Variants in C8orf82 observed in about 807,000 individuals in gnomAD.
C8orf82 encodes the protein UPF0598 protein C8orf82.
C8orf82 carries 24 observed loss-of-function variants against 15.0 expected under a neutral mutation model. The ratio of observed to expected loss-of-function variants is 1.60; its 90% CI spans 1.16 to 2.24. The LOEUF is 2.24. Ranked by LOEUF, C8orf82 falls within the 30% of genes most tolerant of loss-of-function variation. C8orf82 has a pLI of 0.00. For synonymous variants in C8orf82, 205 were observed against 152.2 expected, an observed-to-expected ratio of 1.35 and a Z score of -2.55; for missense variants, 388 against 317.4, an observed-to-expected ratio of 1.22 and a Z score of -1.69.
intron 1 of C8orf82, chr8:144,528,461 G>T: frequency 2.7e-6 from 4 of 1,473,820 alleles, no homozygotes; most frequent in Non-Finnish European, 2.7e-6. Context: ...AGTCAGCGCC[G>T]GGGCTGGGGA....
chr8:144,527,897 C>T (rs768456748), intron 2 of C8orf82, 110 bp from the exon 3 acceptor site: 2 of 1,507,476 alleles, frequency 1.3e-6, no homozygotes, highest in Non-Finnish European at 1.8e-6. Flanking sequence ...TGGCCTCACT[C>T]AGCGGGGCTC....
rs781159964 is a variant in C8orf82, at chr8:144,528,937, G to T, written c.-21C>A. 2 of 1,497,792 alleles carry T rather than the reference G, an allele frequency of 1.3e-6. No individual in the cohort carries two copies. Among genetic ancestry groups the T allele is most frequent in the South Asian group, 1.3e-5 (1 of 79,000 alleles). 92.8% of individuals were successfully genotyped at this position (1,497,792 alleles called of 1,614,324 possible). On this transcript the variant is annotated 5_prime_UTR_variant, in exon 1 of 3. Transcript: ENST00000524821. Reference sequence around the variant, plus strand: ...CACATTCTCCTCCCGCGCCGGAAGCGACCAGCAGGTCACGCCGGGGGCGGT... The same window carrying T: ...CACATTCTCCTCCCGCGCCGGAAGCTACCAGCAGGTCACGCCGGGGGCGGT...
At chr8:144,528,361 G>A in intron 1 of C8orf82, 1 of 1,503,932 alleles carries the variant, frequency 6.6e-7, no homozygotes, top group Non-Finnish European at 8.9e-7. Context: ...AGACTACCTG[G>A]CCTGCTGCCT....
At position 144,529,047 on chromosome 8, in the gene C8orf82, T is replaced by G; in HGVS notation, c.-131A>C. The G allele has an allele frequency of 2.1e-6, 2 of 949,270 alleles. No individual in the cohort carries two copies. The highest frequency in any genetic ancestry group is 2.8e-6 in the Non-Finnish European group (2 of 702,294). The allele number at this position is 949,270 out of a possible 1,614,324, so 58.8% of individuals were successfully genotyped here. A position where few individuals can be genotyped will look rare whatever the true frequency, so the allele number is the denominator to read the frequency against. On this transcript the variant is annotated 5_prime_UTR_variant, in exon 1 of 3. Coordinates refer to ENST00000524821, the MANE Select transcript of C8orf82 (RefSeq NM_001001795.2). ...CCTCCGCGACCCGGGCCCGGCGCTC[T>G]TCCCTCTCCCTCGGGCCTCGGGGGC...
At position 144,526,304 on chromosome 8, in the gene C8orf82, A is replaced by C. The variant is rs1816357174; in HGVS notation, c.*1038T>G. ...TGTCTCAGGACGCGTGTGAACCCCAAGAAGTTGGGGGCGTTATCTGGGCCC... is the reference window on the plus strand; with the variant it reads ...TGTCTCAGGACGCGTGTGAACCCCACGAAGTTGGGGGCGTTATCTGGGCCC... On this transcript the variant is annotated 3_prime_UTR_variant, in exon 3 of 3. Transcript: ENST00000524821. 2 of 152,230 alleles carry C rather than the reference A, an allele frequency of 1.3e-5. No homozygotes were observed. Among genetic ancestry groups the C allele is most frequent in the South Asian group, 4.1e-4 (2 of 4,830 alleles). The allele number at this position is 152,230 out of a possible 1,614,324, so 9.4% of individuals were successfully genotyped here.
chr8:144,527,242 G>T lies in C8orf82; in HGVS notation c.*100C>A. 1.2e-6 allele frequency: 1 copy of T among 842,558 alleles called. No individual in the cohort carries two copies. The highest frequency in any genetic ancestry group is 1.5e-6 in the Non-Finnish European group (1 of 661,800). 52.2% of individuals were successfully genotyped at this position (842,558 alleles called of 1,614,324 possible). On this transcript the variant is annotated 3_prime_UTR_variant, in exon 3 of 3. Coordinates refer to ENST00000524821, the MANE Select transcript of C8orf82 (RefSeq NM_001001795.2). ...GGGGCCGAGCGCGCAGGCGCACTAG[G>T]CTGCCGCGAGCGCGGGTGGCGCGGG...
Position 144,525,913 on chromosome 8 carries a change from G to C in C8orf82, c.*1429C>G, listed in dbSNP as rs1816343281. On this transcript the variant is annotated 3_prime_UTR_variant, in exon 3 of 3. Coordinates refer to ENST00000524821, the MANE Select transcript of C8orf82 (RefSeq NM_001001795.2). ...CAGCAAGGAGCAGGGAGTTTGCTGG[G>C]GGACCATATACATGTACTTGTCGTA... is the stretch of plus-strand genomic sequence containing the variant. 6.6e-6 allele frequency: 1 copy of C among 152,162 alleles called. No individual in the cohort carries two copies. The highest frequency in any genetic ancestry group is 2.4e-5 in the African/African-American group (1 of 41,408). 9.4% of individuals were successfully genotyped at this position (152,162 alleles called of 1,614,324 possible).
At chr8:144,528,114 G>A in intron 1 of C8orf82, 42 bp from the exon 2 acceptor site, 1 of 1,604,738 alleles carries the variant, frequency 6.2e-7, no homozygotes, top group Non-Finnish European at 8.5e-7. Flanking sequence ...CCAGCGTGCA[G>A]GTGGGGGCGG....
Position 144,527,435 on chromosome 8 carries a change from C to A in C8orf82, c.558G>T (p.Ala186=), listed in dbSNP as rs1203163347. ...LSACFEYGPG[A]PALPSHVRWQ... is the part of the protein sequence containing the mutation. ...AGCGCACGTGCGAGGGCAGCGCAGG[C>A]GCGCCGGGCCCGTACTCGAAGCAGG... Residue 186 remains alanine, a synonymous_variant, in exon 3 of 3, where the codon GCG becomes GCT. Coordinates refer to ENST00000524821, the MANE Select transcript of C8orf82 (RefSeq NM_001001795.2). 2.4e-6 allele frequency: 3 copies of A among 1,235,790 alleles called. No homozygotes were observed. The highest frequency in any genetic ancestry group is 3.2e-5 in the African/African-American group (2 of 62,186). 76.6% of individuals were successfully genotyped at this position (1,235,790 alleles called of 1,614,324 possible).
chr8:144,528,285 C>T, intron 1 of C8orf82: 1 of 1,507,468 alleles, frequency 6.6e-7, no homozygotes, highest in Non-Finnish European at 8.9e-7. Context: ...CCCTGGTCAG[C>T]CAATTCTTTC....
intron 1 of C8orf82, 98 bp from the exon 2 acceptor site, chr8:144,528,170 G>A (rs1816451539): frequency 5.8e-6 from 9 of 1,551,654 alleles, no homozygotes; most frequent in Admixed American, 3.8e-5. Flanking sequence ...GAACCGGCCC[G>A]AGCCCACTTT....
At position 144,528,815 on chromosome 8, in the gene C8orf82, C is replaced by G; in HGVS notation, c.102G>C (p.Gln34His). 2.0e-6 allele frequency: 3 copies of G among 1,507,690 alleles called. No individual in the cohort carries two copies. Among genetic ancestry groups the G allele is most frequent in the Non-Finnish European group, 2.7e-6 (3 of 1,129,864 alleles). 93.4% of individuals were successfully genotyped at this position (1,507,690 alleles called of 1,614,324 possible). Residue 34 changes from glutamine to histidine, a missense_variant, in exon 1 of 3, where the codon CAG becomes CAC. Physicochemically the swap from Gln to His is conservative, Grantham distance 24 (BLOSUM62 0). Transcript: ENST00000524821. ...ACTCGCGGGTCCGCGGCTCCGGACT[C>G]TGGCCCTGCGTGTAGGAAACGCCCC... ...GDGGVSYTQG[Q>H]SPEPRTREYF...
At chr8:144,528,404 C>T (rs1328473352) in intron 1 of C8orf82, 8 of 1,492,022 alleles carry the variant, frequency 5.4e-6, no homozygotes, top group Non-Finnish European at 6.3e-6. Flanking sequence ...GACAGGGCTT[C>T]CAAAAAAAGG....
chr8:144,528,020 T>C lies in C8orf82; in HGVS notation c.205+4A>G. 6.2e-7 allele frequency: 1 copy of C among 1,612,520 alleles called. No individual in the cohort carries two copies. Among genetic ancestry groups the C allele is most frequent in the Non-Finnish European group, 8.5e-7 (1 of 1,179,774 alleles). ...AGGGGCTGGAGAGGGAGGCACAGCATTACCTTTGAAGCAGGTGATGAAATT... is the reference window on the plus strand; with the variant it reads ...AGGGGCTGGAGAGGGAGGCACAGCACTACCTTTGAAGCAGGTGATGAAATT... On this transcript the variant is annotated splice_donor_region_variant and intron_variant, in intron 2 of 2. Transcript: ENST00000524821.
chr8:144,527,728 C>T lies in C8orf82; in HGVS notation c.265G>A (p.Glu89Lys), dbSNP rs894804072. The part of the protein sequence containing the change: ...RLRPNRSGRY[E>K]AAFPFLSPCG... ...GGCGAGAGGAAGGGGAAAGCGGCCT[C>T]GTAGCGCCCGCTGCGGTTGGGTCTC... Residue 89 changes from glutamate to lysine, a missense_variant, in exon 3 of 3, where the codon GAG becomes AAG. Glu to Lys is a moderately conservative substitution (Grantham distance 56). Transcript: ENST00000524821. The T allele has an allele frequency of 6.3e-7, 1 of 1,592,184 alleles. No homozygotes were observed. The highest frequency in any genetic ancestry group is 8.5e-7 in the Non-Finnish European group (1 of 1,176,564).
chr8:144,528,175 C>T (rs1816451701), intron 1 of C8orf82, 103 bp from the exon 2 acceptor site: 4 of 1,546,364 alleles, frequency 2.6e-6, no homozygotes, highest in East Asian at 2.3e-5. Flanking sequence ...GGCCCGAGCC[C>T]ACTTTTCCTG....
At chr8:144,528,616 C>CCCGGGGGGGGGGGG in intron 1 of C8orf82, 145 bp downstream of exon 1, 1 of 296,000 alleles carries the variant, frequency 3.4e-6, no homozygotes, top group Non-Finnish European at 5.1e-6. Flanking sequence ...GCGCAGGCCC[C>CCCGGGGGGGGGGGG]GCCCACCCAC....
At position 144,528,037 on chromosome 8, in the gene C8orf82, G is replaced by A. The variant is rs930540613; in HGVS notation, c.192C>T (p.Ile64=). ...GCACAGCATTACCTTTGAAGCAGGTGATGAAATTCTTCATTTTGGAATCAT... is the reference window on the plus strand; with the variant it reads ...GCACAGCATTACCTTTGAAGCAGGTAATGAAATTCTTCATTTTGGAATCAT... The part of the protein sequence containing the change: ...FLDDSKMKNF[I]TCFKDPQFLV... The change falls in exon 2 of 3, where the codon ATC becomes ATT. Residue 64 remains isoleucine (I), a synonymous_variant. Transcript: ENST00000524821. 6 of 1,612,634 alleles carry A rather than the reference G, an allele frequency of 3.7e-6. No individual in the cohort carries two copies. The highest frequency in any genetic ancestry group is 4.2e-6 in the Non-Finnish European group (5 of 1,179,868).
intron 1 of C8orf82, 47 bp downstream of exon 1, chr8:144,528,714 A>T: frequency 7.1e-6 from 2 of 280,884 alleles, no homozygotes; most frequent in Non-Finnish European, 1.0e-5. Flanking sequence ...CCGCCCAGAG[A>T]CCTCTCCCGG....
Sources: allele counts gnomAD v4.1 joint callset, GRCh38; gene constraint gnomAD v4.1.1; transcripts MANE v1.5; gene names NCBI Gene and HGNC (gene_info 2026-07-23, HGNC 2026-07-21).